Variants in WWOX observed in about 807,000 individuals in gnomAD.
WWOX encodes WW domain-containing oxidoreductase.
A neutral mutation model predicts 46.2 loss-of-function variants in WWOX; 69 were observed. The ratio of observed to expected loss-of-function variants is 1.49; its 90% confidence interval spans 1.23 to 1.82. WWOX has a LOEUF of 1.82. Ranked by LOEUF, WWOX falls within the 40% of genes most tolerant of loss-of-function variation. The pLI is 0.00. For synonymous variants in WWOX, 359 were observed against 202.6 expected, an observed-to-expected ratio of 1.77 and a Z score of -6.56; for missense variants, 919 against 542.6, an observed-to-expected ratio of 1.69 and a Z score of -6.89.
chr16:78,636,837 C>G (rs1021365992), intron 8 of WWOX, among the ~76,000 whole-genome samples: 2 of 152,162 alleles, frequency 1.3e-5, no homozygotes, highest in African/African-American at 4.8e-5. Context: ...CCTTCAGATA[C>G]GCTCTTCATG....
At chr16:78,767,944 C>G (rs958757665) in intron 8 of WWOX, among the ~76,000 whole-genome samples, 7 of 151,988 alleles carry the variant, frequency 4.6e-5, no homozygotes, top group African/African-American at 1.7e-4. Flanking sequence ...TCCAGCACCA[C>G]GAGTTTGGAC....
chr16:78,723,055 A>G (rs75815614), intron 8 of WWOX, among the ~76,000 whole-genome samples: 1 of 151,912 alleles, frequency 6.6e-6, no homozygotes, highest in African/African-American at 2.4e-5. Flanking sequence ...AAAGAAAATG[A>G]TGTGAGGAAG....
chr16:78,966,707 A>G (rs989709101), intron 8 of WWOX, among the ~76,000 whole-genome samples: 1 of 152,212 alleles, frequency 6.6e-6, no homozygotes, highest in Non-Finnish European at 1.5e-5. Context: ...ACACTGTTTA[A>G]AGGAGCTTAA....
At chr16:78,961,228 C>T (rs560367772) in intron 8 of WWOX, among the ~76,000 whole-genome samples, 29 of 152,080 alleles carry the variant, frequency 1.9e-4, no homozygotes, top group African/African-American at 5.1e-4. Flanking sequence ...TGCAGATTAA[C>T]GAGGAAAAAT....
At chr16:78,440,493 A>G (rs2083420133) in intron 8 of WWOX, among the ~76,000 whole-genome samples, 1 of 152,222 alleles carries the variant, frequency 6.6e-6, no homozygotes, top group African/African-American at 2.4e-5. Context: ...GCCAGTGCCT[A>G]GAATACTGCC....
chr16:79,086,557 T>C (rs2048857433), intron 8 of WWOX, among the ~76,000 whole-genome samples: 1 of 152,168 alleles, frequency 6.6e-6, no homozygotes, highest in Non-Finnish European at 1.5e-5. Context: ...CCTCTGGAGT[T>C]AGAGACCTGA....
At chr16:78,406,305 T>TATAAATAA (rs1555533270) in intron 6 of WWOX, among the ~76,000 whole-genome samples, 1 of 8,148 alleles carries the variant, frequency 1.2e-4, no homozygotes, top group South Asian at 2.5e-3. Flanking sequence ...TAAATATAAA[T>TATAAATAA]ATATATATAT....
chr16:78,923,988 G>GT (rs368146839), intron 8 of WWOX, among the ~76,000 whole-genome samples: 103 of 151,124 alleles, frequency 6.8e-4, no homozygotes, highest in East Asian at 3.7e-3. Flanking sequence ...ATTTTGTTTT[G>GT]TTTTTTTTAG....
At chr16:78,903,918 A>G (rs1398581602) in intron 8 of WWOX, among the ~76,000 whole-genome samples, 1 of 152,158 alleles carries the variant, frequency 6.6e-6, no homozygotes, top group Non-Finnish European at 1.5e-5. Context: ...GAAGGTACAG[A>G]GTGGATAAGT....
intron 8 of WWOX, among the ~76,000 whole-genome samples, chr16:78,676,154 T>A (rs2047593957): frequency 6.6e-6 from 1 of 151,912 alleles, no homozygotes; most frequent in African/African-American, 2.4e-5. Context: ...GGGTTCAAAT[T>A]CCTGAGCGCC....
At chr16:78,625,347 C>G (rs2046287916) in intron 8 of WWOX, among the ~76,000 whole-genome samples, 1 of 152,306 alleles carries the variant, frequency 6.6e-6, no homozygotes, top group East Asian at 1.9e-4. Context: ...CAGCGTGTTC[C>G]ATTTGAGGGT....
At chr16:78,107,152 C>G (rs1182526731) in intron 1 of WWOX, among the ~76,000 whole-genome samples, 1 of 152,126 alleles carries the variant, frequency 6.6e-6, no homozygotes, top group Non-Finnish European at 1.5e-5. Flanking sequence ...AATAATATAA[C>G]TTTCTGGGTT....
chr16:79,097,075 A>G (rs1470510935), intron 8 of WWOX, among the ~76,000 whole-genome samples: 1 of 150,810 alleles, frequency 6.6e-6, no homozygotes, highest in Non-Finnish European at 1.5e-5. Context: ...TTTTTTTTTT[A>G]ACTTCAACAC....
chr16:78,486,995 C>T (rs897583116), intron 8 of WWOX, among the ~76,000 whole-genome samples: 3 of 152,166 alleles, frequency 2.0e-5, no homozygotes, highest in African/African-American at 4.8e-5. Context: ...TGAGCTGCTT[C>T]GCATCCTGCT....
intron 5 of WWOX, among the ~76,000 whole-genome samples, chr16:78,372,285 C>T (rs186570069): frequency 6.6e-6 from 1 of 152,250 alleles, no homozygotes; most frequent in East Asian, 1.9e-4. Flanking sequence ...TGTGCAAATT[C>T]TAGGGTGTCC....
At chr16:78,818,427 G>A (rs920322996) in intron 8 of WWOX, among the ~76,000 whole-genome samples, 20 of 152,182 alleles carry the variant, frequency 1.3e-4, no homozygotes, top group African/African-American at 4.1e-4. Flanking sequence ...AAAGCCCTAG[G>A]ACAAGGCAGG....
At position 78,375,538 on chromosome 16, in the gene WWOX, T is replaced by C. The variant is rs1465434832; in HGVS notation, c.517-11322T>C. 3.3e-5 allele frequency among the ~76,000 whole-genome samples: 5 copies of C among 152,240 alleles called. No individual in the cohort carries two copies. In the East Asian group the frequency reaches 7.7e-4, roughly 23 times the overall value. On this transcript the variant is annotated intron_variant, in intron 5 of 8. Transcript: ENST00000566780. ...GACACAGATATGAAACTGTACTTTT[T>C]AATTTACGATAAATGTCAGTGTGAA... is the stretch of plus-strand genomic sequence containing the variant.
chr16:79,096,564 C>A (rs1232806636), intron 8 of WWOX, among the ~76,000 whole-genome samples: 1 of 152,132 alleles, frequency 6.6e-6, no homozygotes, highest in Non-Finnish European at 1.5e-5. Flanking sequence ...CTCTAGATAC[C>A]ATCTTTAAAA....
At chr16:78,134,874 A>G (rs571692180) in intron 4 of WWOX, among the ~76,000 whole-genome samples, 5 of 152,326 alleles carry the variant, frequency 3.3e-5, no homozygotes, top group Admixed American at 3.3e-4. Context: ...TCATATGGTG[A>G]TCCCACTGTG....
Sources: gnomAD v4.1 joint callset for allele counts (sites outside exome capture counted in the v4.1 genomes callset) on GRCh38, gnomAD v4.1.1 for gene constraint, MANE v1.5 for transcripts, NCBI Gene and HGNC (gene_info 2026-07-23, HGNC 2026-07-21) for gene names.